The following PRUNE2 variants were observed in gnomAD, a reference collection of about 807,000 sequenced individuals.
PRUNE2 encodes prune homolog 2 with BCH domain.
PRUNE2 carries 164 observed loss-of-function variants against 252.0 expected under a neutral mutation model. That is an observed-to-expected ratio of 0.65 (90% CI 0.57 to 0.74). The LOEUF (loss-of-function observed/expected upper bound fraction) is 0.74. Ranked by LOEUF, PRUNE2 falls within the 30% of genes least tolerant of loss-of-function variation. The pLI, the probability that PRUNE2 is intolerant of heterozygous loss-of-function variation, is 0.00. For synonymous variants in PRUNE2, 1,292 were observed against 1,350.2 expected, an observed-to-expected ratio of 0.96 and a Z score of 0.94; for missense variants, 3,495 against 3,711.0, an observed-to-expected ratio of 0.94 and a Z score of 1.51.
At chr9:76,762,184 G>C (rs550405293) in intron 6 of PRUNE2, among the ~76,000 whole-genome samples, 1 of 152,216 alleles carries the variant, frequency 6.6e-6, no homozygotes, top group Admixed American at 6.5e-5. Flanking sequence ...TTCTGTTGTT[G>C]GAAAAAGTGA....
chr9:76,840,323 C>G (rs529271685), intron 4 of PRUNE2, among the ~76,000 whole-genome samples: 2 of 152,084 alleles, frequency 1.3e-5, no homozygotes, highest in Non-Finnish European at 2.9e-5. Flanking sequence ...GGCTCAGAGC[C>G]ATACACAGGG....
intron 6 of PRUNE2, among the ~76,000 whole-genome samples, chr9:76,814,346 C>A (rs2057546358): frequency 6.6e-6 from 1 of 152,098 alleles, no homozygotes; most frequent in Admixed American, 6.5e-5. Context: ...AAACATGTGG[C>A]ACTCTCTTGT....
intron 6 of PRUNE2, among the ~76,000 whole-genome samples, chr9:76,797,619 T>C (rs538396977): frequency 7.2e-5 from 11 of 152,324 alleles, no homozygotes; most frequent in African/African-American, 1.9e-4. Flanking sequence ...GTGGTTTCCT[T>C]TGCAAATGTC....
intron 6 of PRUNE2, among the ~76,000 whole-genome samples, chr9:76,809,511 C>T (rs2057212029): frequency 6.6e-6 from 1 of 152,162 alleles, no homozygotes; most frequent in African/African-American, 2.4e-5. Context: ...TCCTGGCCAA[C>T]ATGGTGAAAC....
At chr9:76,781,579 TTA>T (rs1226674715) in intron 6 of PRUNE2, among the ~76,000 whole-genome samples, 2 of 152,200 alleles carry the variant, frequency 1.3e-5, no homozygotes, top group African/African-American at 4.8e-5. Context: ...GTAAAATAGG[TTA>T]TATACATTTT....
chr9:76,788,168 T>C (rs2055197950), intron 6 of PRUNE2, among the ~76,000 whole-genome samples: 1 of 152,186 alleles, frequency 6.6e-6, no homozygotes, highest in Admixed American at 6.5e-5. Flanking sequence ...CTTTGAAAGA[T>C]TTGTGTCTCC....
At chr9:76,620,378 C>T (rs569739826) in intron 17 of PRUNE2, among the ~76,000 whole-genome samples, 2 of 152,114 alleles carry the variant, frequency 1.3e-5, no homozygotes, top group Admixed American at 1.3e-4. Flanking sequence ...TGGACTCAAG[C>T]GATCCTCCTG....
At chr9:76,645,631 CT>C (rs1844497858) in intron 11 of PRUNE2, among the ~76,000 whole-genome samples, 1 of 151,524 alleles carries the variant, frequency 6.6e-6, no homozygotes, top group African/African-American at 2.4e-5. Context: ...AAGAAATTTA[CT>C]CTTGTGCATT....
chr9:76,788,354 G>A lies in PRUNE2; in HGVS notation c.756+35278C>T, dbSNP rs1199102980. The A allele has an allele frequency of 5.6e-6, 4 of 713,594 alleles. No homozygotes were observed. In the South Asian group the frequency reaches 6.2e-5, roughly 11 times the overall value. 44.2% of individuals were successfully genotyped at this position (713,594 alleles called of 1,614,324 possible). On this transcript the variant is annotated intron_variant, in intron 6 of 18. Transcript: ENST00000376718. ...CAAGTAAATGATTGTGAATTCAGTT[G>A]ATAGTTATTATATATACTGGACATT...
At chr9:76,882,180 C>T (rs1023466065) in intron 1 of PRUNE2, among the ~76,000 whole-genome samples, 1 of 151,986 alleles carries the variant, frequency 6.6e-6, no homozygotes, top group Non-Finnish European at 1.5e-5. Context: ...TCAAAGCATA[C>T]ATAGTATATT....
intron 6 of PRUNE2, among the ~76,000 whole-genome samples, chr9:76,732,555 G>A (rs931074875): frequency 1.3e-5 from 2 of 152,210 alleles, no homozygotes; most frequent in Non-Finnish European, 2.9e-5. Flanking sequence ...CAGGGGCAAA[G>A]ATGAGCAGCC....
intron 1 of PRUNE2, among the ~76,000 whole-genome samples, chr9:76,887,194 C>T (rs546181752): frequency 6.6e-6 from 1 of 152,152 alleles, no homozygotes; most frequent in East Asian, 1.9e-4. Context: ...AAACTCCTAA[C>T]TTGGGACATA....
intron 6 of PRUNE2, among the ~76,000 whole-genome samples, chr9:76,747,375 T>G (rs538453474): frequency 1.3e-5 from 2 of 152,194 alleles, no homozygotes; most frequent in South Asian, 4.1e-4. Context: ...CAAAAGTTAC[T>G]GTTTGTTGAG....
chr9:76,622,387 G>A (rs1832760951), intron 17 of PRUNE2, among the ~76,000 whole-genome samples: 1 of 152,024 alleles, frequency 6.6e-6, no homozygotes. Context: ...AGCAGAAAGA[G>A]TATAAATATA....
intron 6 of PRUNE2, among the ~76,000 whole-genome samples, chr9:76,717,368 G>A (rs997128591): frequency 6.6e-6 from 1 of 152,156 alleles, no homozygotes. Context: ...TTCTAGCTAC[G>A]CAGGGAGTCA....
intron 9 of PRUNE2, among the ~76,000 whole-genome samples, chr9:76,668,592 G>C (rs972151011): frequency 3.3e-5 from 5 of 152,060 alleles, no homozygotes; most frequent in African/African-American, 1.2e-4. Flanking sequence ...GGAAGCTGGA[G>C]AGAGGCCTGG....
At chr9:76,631,058 T>C (rs777297843) in intron 15 of PRUNE2, among the ~76,000 whole-genome samples, 10 of 152,230 alleles carry the variant, frequency 6.6e-5, no homozygotes, top group African/African-American at 1.4e-4. Context: ...ATTTTGGCCC[T>C]GGGCCCAAGA....
intron 4 of PRUNE2, among the ~76,000 whole-genome samples, chr9:76,832,730 G>T (rs1256736862): frequency 6.6e-6 from 1 of 151,636 alleles, no homozygotes; most frequent in Non-Finnish European, 1.5e-5. Flanking sequence ...ACATATGGAA[G>T]AAATCAATAA....
intron 6 of PRUNE2, among the ~76,000 whole-genome samples, chr9:76,717,686 C>A (rs1205418321): frequency 6.6e-6 from 1 of 151,914 alleles, no homozygotes; most frequent in East Asian, 1.9e-4. Context: ...ACCCCCCCCA[C>A]CAGCCACACA....
Sources: gnomAD v4.1 joint callset for allele counts (sites outside exome capture counted in the v4.1 genomes callset) on GRCh38, gnomAD v4.1.1 for gene constraint, MANE v1.5 for transcripts, NCBI Gene and HGNC (gene_info 2026-07-23, HGNC 2026-07-21) for gene names.